The following STAG1 variants were observed in gnomAD, a reference collection of about 807,000 sequenced individuals.
STAG1 encodes the protein cohesin subunit SA-1.
A neutral mutation model predicts 170.9 loss-of-function variants in STAG1; 26 were observed. That is an observed-to-expected ratio of 0.15 (90% confidence interval 0.11 to 0.21). The LOEUF is 0.21. Among genes scored for constraint, STAG1 ranks in the 10% least tolerant of loss-of-function variants. STAG1 has a pLI of 1.00. For synonymous variants in STAG1, 514 were observed against 497.7 expected, an observed-to-expected ratio of 1.03 and a Z score of -0.44; for missense variants, 964 against 1,509.5, an observed-to-expected ratio of 0.64 and a Z score of 5.99.
chr3:136,619,154 A>G (rs1028485494), intron 3 of STAG1, among the ~76,000 whole-genome samples: 6 of 152,012 alleles, frequency 3.9e-5, no homozygotes, highest in Admixed American at 2.0e-4. Flanking sequence ...TAGAATTCTT[A>G]GAATCCTTCT....
chr3:136,418,678 G>A (rs72987480), intron 20 of STAG1, among the ~76,000 whole-genome samples: 2,174 of 150,802 alleles, frequency 0.014, 48 homozygotes, highest in African/African-American at 0.05. Context: ...GTCTCGCTCC[G>A]TCGCCCAGGC....
intron 14 of STAG1, among the ~76,000 whole-genome samples, chr3:136,447,268 A>G (rs1270839652): frequency 6.6e-6 from 1 of 151,574 alleles, no homozygotes; most frequent in Non-Finnish European, 1.5e-5. Flanking sequence ...GCAGCAAGAG[A>G]TCGAGACCAT....
chr3:136,710,561 T>C (rs1430991487), intron 1 of STAG1, among the ~76,000 whole-genome samples: 2 of 152,178 alleles, frequency 1.3e-5, no homozygotes, highest in Non-Finnish European at 2.9e-5. Flanking sequence ...TCACTTCCAC[T>C]GAAACAAGAT....
chr3:136,734,568 A>G (rs991445709), intron 1 of STAG1, among the ~76,000 whole-genome samples: 79 of 152,282 alleles, frequency 5.2e-4, no homozygotes, highest in Middle Eastern at 6.8e-3. Context: ...CATAAAAAGG[A>G]TCTATTGTTA....
At chr3:136,462,859 A>C (rs2089312608) in intron 13 of STAG1, among the ~76,000 whole-genome samples, 1 of 152,190 alleles carries the variant, frequency 6.6e-6, no homozygotes, top group African/African-American at 2.4e-5. Context: ...TAATACAGAC[A>C]TAAAATAAGT....
intron 1 of STAG1, among the ~76,000 whole-genome samples, chr3:136,651,242 TG>T (rs1199870062): frequency 6.6e-6 from 1 of 151,942 alleles, no homozygotes; most frequent in African/African-American, 2.4e-5. Flanking sequence ...GGTGCCTGCC[TG>T]TAACTCCTGA....
chr3:136,499,188 T>A (rs1006816195), intron 9 of STAG1, among the ~76,000 whole-genome samples: 5 of 152,182 alleles, frequency 3.3e-5, no homozygotes, highest in Admixed American at 3.3e-4. Flanking sequence ...TATGTGTGTA[T>A]TTCTTTGTTT....
intron 1 of STAG1, among the ~76,000 whole-genome samples, chr3:136,719,627 C>CTGGGTAGGTGGGTAGG (rs1377145856): frequency 1.8e-5 from 1 of 56,872 alleles, no homozygotes. Context: ...AGGTGGGTGG[C>CTGGGTAGGTGGGTAGG]TGGGTAGGTG....
chr3:136,414,182 T>C (rs539137106), intron 21 of STAG1, among the ~76,000 whole-genome samples: 75 of 147,466 alleles, frequency 5.1e-4, no homozygotes, highest in Non-Finnish European at 3.3e-4. Flanking sequence ...TGAAGTTTGC[T>C]GCATCAATTG....
chr3:136,354,316 G>A (rs1055608194), intron 28 of STAG1, among the ~76,000 whole-genome samples: 5 of 152,126 alleles, frequency 3.3e-5, no homozygotes, highest in South Asian at 2.1e-4. Context: ...TTGTTGAGGC[G>A]GAATCGCACT....
At chr3:136,702,075 AAGAGAGAGAGAGAGAGAGAGAGAGAGAG>A (rs745623191) in intron 1 of STAG1, among the ~76,000 whole-genome samples, 9 of 92,164 alleles carry the variant, frequency 9.8e-5, no homozygotes, top group African/African-American at 3.2e-4. Flanking sequence ...ACCATGCCGA[AAGAGAGAGAGAGAGAGAGAGAGAGAGAG>A]AGAGAGAGAG....
intron 1 of STAG1, among the ~76,000 whole-genome samples, chr3:136,635,986 G>A (rs1290634193): frequency 2.6e-5 from 4 of 152,148 alleles, no homozygotes; most frequent in Non-Finnish European, 4.4e-5. Context: ...CATGGCTCAC[G>A]CCTGTAATCC....
intron 10 of STAG1, among the ~76,000 whole-genome samples, chr3:136,476,667 G>C (rs933870740): frequency 9.2e-5 from 14 of 152,146 alleles, no homozygotes; most frequent in African/African-American, 3.4e-4. Context: ...GAAAATTCCA[G>C]TTGCTTTTAT....
At chr3:136,534,417 A>G (rs1273952550) in intron 6 of STAG1, among the ~76,000 whole-genome samples, 1 of 152,218 alleles carries the variant, frequency 6.6e-6, no homozygotes, top group African/African-American at 2.4e-5. Flanking sequence ...AACAAGATAC[A>G]TTAAACTAAA....
At chr3:136,388,656 C>G (rs967388655) in intron 22 of STAG1, among the ~76,000 whole-genome samples, 23 of 151,992 alleles carry the variant, frequency 1.5e-4, no homozygotes, top group African/African-American at 5.1e-4. Flanking sequence ...CATCAGCCAC[C>G]GCACCTGGCA....
At chr3:136,341,281 A>C (rs1935959365) in intron 31 of STAG1, among the ~76,000 whole-genome samples, 160 bp downstream of exon 31, 2 of 152,246 alleles carry the variant, frequency 1.3e-5, no homozygotes. Context: ...AAATGCTGAA[A>C]GTGTTAAGAA....
intron 6 of STAG1, among the ~76,000 whole-genome samples, chr3:136,522,913 G>A (rs891281819): frequency 1.3e-5 from 2 of 151,912 alleles, no homozygotes; most frequent in African/African-American, 2.4e-5. Context: ...ATTTTTTATG[G>A]CTGCATATTA....
intron 3 of STAG1, among the ~76,000 whole-genome samples, chr3:136,616,068 A>G (rs954016722): frequency 6.6e-6 from 1 of 152,022 alleles, no homozygotes; most frequent in Non-Finnish European, 1.5e-5. Flanking sequence ...GGAGATCAAG[A>G]CCATCCTGGT....
At chr3:136,654,368 T>G (rs1004557082) in intron 1 of STAG1, among the ~76,000 whole-genome samples, 3 of 152,032 alleles carry the variant, frequency 2.0e-5, no homozygotes, top group East Asian at 1.9e-4. Context: ...TGAAAAACAA[T>G]TACAAAAACT....
Sources: allele counts gnomAD v4.1 joint callset (sites outside exome capture counted in the v4.1 genomes callset), GRCh38; gene constraint gnomAD v4.1.1; transcripts MANE v1.5; gene names NCBI Gene and HGNC (gene_info 2026-07-23, HGNC 2026-07-21).